Variants in INO80 observed in about 807,000 individuals in gnomAD.
The protein encoded by INO80 is chromatin-remodeling ATPase INO80.
A neutral mutation model predicts 203.4 loss-of-function variants in INO80; 20 were observed. The ratio of observed to expected loss-of-function variants is 0.10; its 90% confidence interval spans 0.07 to 0.14. The LOEUF is 0.14. Among genes scored for constraint, INO80 ranks in the 10% least tolerant of loss-of-function variants. INO80 has a pLI of 1.00. For synonymous variants in INO80, 726 were observed against 685.2 expected (o/e 1.06, Z -0.93); for missense variants, 1,419 against 1,914.4 (o/e 0.74, Z 4.83).
chr15:40,983,690 G>T, intron 34 of INO80, 72 bp downstream of exon 34: 1 of 1,353,452 alleles, frequency 7.4e-7, no homozygotes, highest in South Asian at 1.2e-5. Flanking sequence ...GAAGGAATCA[G>T]GACCTTACCC....
intron 5 of INO80, among the ~76,000 whole-genome samples, chr15:41,089,665 C>T (rs1262526295): frequency 6.6e-6 from 1 of 151,940 alleles, no homozygotes; most frequent in African/African-American, 2.4e-5. Flanking sequence ...ACTGCTTGAA[C>T]TCAGAAGGCG....
At position 41,092,435 on chromosome 15, in the gene INO80, C is replaced by T. The variant is rs560553988; in HGVS notation, c.382-253G>A. ...ACAAGGCTAAAAATTCCTCTGAATA[C>T]TTACAAAAGTATAAATAATACATAA... On this transcript the variant is annotated intron_variant, in intron 4 of 35. Coordinates refer to ENST00000648947, the MANE Select transcript of INO80 (RefSeq NM_017553.3). 4.6e-5 allele frequency among the ~76,000 whole-genome samples: 7 copies of T among 152,208 alleles called. No individual in the cohort carries two copies. In the South Asian group the frequency reaches 1.4e-3, roughly 32 times the overall value.
chr15:41,003,076 C>T lies in INO80; in HGVS notation c.3497+2517G>A, dbSNP rs565751334. Among the ~76,000 whole-genome samples, 8 of 151,892 alleles carry T rather than the reference C, an allele frequency of 5.3e-5. No individual in the cohort carries two copies. In the South Asian group the frequency reaches 1.0e-3, roughly 20 times the overall value. On this transcript the variant is annotated intron_variant, in intron 28 of 35. Transcript: ENST00000648947. ...TGGAGGTTGCAGTGAGCCAAGATCA[C>T]GCCACTGCACTCCAGCCTGGGTGAC...
chr15:41,007,202 T>C (rs1159951276), intron 27 of INO80, among the ~76,000 whole-genome samples: 4 of 122,326 alleles, frequency 3.3e-5, no homozygotes, highest in South Asian at 2.4e-4. Flanking sequence ...TTTTTTTTTT[T>C]AGACACTGTC....
intron 26 of INO80, 96 bp downstream of exon 26, chr15:41,020,804 A>G: frequency 1.4e-6 from 1 of 731,972 alleles, no homozygotes; most frequent in Non-Finnish European, 2.2e-6. Context: ...CCTCAAGAAC[A>G]GTAAATTCCA....
At position 41,096,298 on chromosome 15, in the gene INO80, A is replaced by C; in HGVS notation, c.13T>G (p.Leu5Val). 6.3e-7 allele frequency: 1 copy of C among 1,595,192 alleles called. No homozygotes were observed. The change falls in exon 2 of 36, where the codon TTG becomes GTG. Residue 5 changes from leucine (L) to valine (V), a missense_variant. Leu to Val is a conservative substitution (Grantham distance 32). Coordinates refer to ENST00000648947, the MANE Select transcript of INO80 (RefSeq NM_017553.3). MASELGARDDGGCTE... is the reference protein window; with the variant it reads MASEVGARDDGGCTE... ...CAGCCTCCATCATCCCTGGCACCCA[A>C]CTCCGAGGCCATAGAACAAATCTGT...
intron 28 of INO80, among the ~76,000 whole-genome samples, chr15:41,002,802 C>G (rs1271954389): frequency 6.6e-6 from 1 of 152,116 alleles, no homozygotes; most frequent in Non-Finnish European, 1.5e-5. Context: ...GAATAGTGAT[C>G]ATTAAAAATG....
intron 34 of INO80, among the ~76,000 whole-genome samples, chr15:40,983,455 C>T (rs1893911499): frequency 1.3e-5 from 2 of 152,098 alleles, no homozygotes; most frequent in African/African-American, 4.8e-5. Flanking sequence ...ACCCAGAGCT[C>T]CCCAAGAAAT....
At chr15:41,073,290 T>C in intron 11 of INO80, 138 bp downstream of exon 11, 1 of 706,342 alleles carries the variant, frequency 1.4e-6, no homozygotes, top group Non-Finnish European at 2.5e-6. Context: ...TACACACAGC[T>C]ACTCACACAC....
intron 4 of INO80, among the ~76,000 whole-genome samples, chr15:41,094,981 G>A (rs2045699877): frequency 2.0e-5 from 3 of 150,342 alleles, no homozygotes; most frequent in Admixed American, 6.7e-5. Flanking sequence ...TGAATTTGGT[G>A]TTTATTAACT....
At chr15:40,997,438 AAAAC>A (rs999324027) in intron 29 of INO80, 87 bp downstream of exon 29, 2 of 861,636 alleles carry the variant, frequency 2.3e-6, no homozygotes, top group Non-Finnish European at 2.0e-6. Context: ...AGCAAAGGGT[AAAAC>A]AAACAATGCC....
chr15:41,087,635 G>T lies in INO80; in HGVS notation c.585C>A (p.Asp195Glu). 6.2e-7 allele frequency: 1 copy of T among 1,613,836 alleles called. No homozygotes were observed. The highest frequency in any genetic ancestry group is 8.5e-7 in the Non-Finnish European group (1 of 1,179,936). ...YYSAGLLSTY[D>E]PFYEQQRHLL... ...GGTGCCGTTGTTGCTCATAGAAAGGGTCATATGTGGAGAGCAGGCCTGCAC... is the reference window on the plus strand; with the variant it reads ...GGTGCCGTTGTTGCTCATAGAAAGGTTCATATGTGGAGAGCAGGCCTGCAC... The change falls in exon 6 of 36, where the codon GAC (aspartate) becomes GAA (glutamate). Residue 195 changes from aspartate (D) to glutamate (E), a missense_variant. Coordinates refer to ENST00000648947, the MANE Select transcript of INO80 (RefSeq NM_017553.3).
intron 31 of INO80, 83 bp downstream of exon 31, chr15:40,987,008 T>G: frequency 2.7e-6 from 2 of 735,980 alleles, no homozygotes; most frequent in Non-Finnish European, 4.7e-6. Flanking sequence ...AGCCTCTGGC[T>G]TTGCCTACCC....
At position 41,003,140 on chromosome 15, in the gene INO80, C is replaced by G. The variant is rs1311487990; in HGVS notation, c.3497+2453G>C. On this transcript the variant is annotated intron_variant, in intron 28 of 35. Transcript: ENST00000648947. ...GTCTCAGAAAAAACAAAAACAAAAACAAAAGTTGTTGGCAAAGGCTTTTTA... is the reference window on the plus strand; with the variant it reads ...GTCTCAGAAAAAACAAAAACAAAAAGAAAAGTTGTTGGCAAAGGCTTTTTA... Among the ~76,000 whole-genome samples the G allele has an allele frequency of 2.0e-5, 3 of 151,422 alleles. No individual in the cohort carries two copies. In the East Asian group the frequency reaches 5.8e-4, roughly 30 times the overall value.
intron 35 of INO80, among the ~76,000 whole-genome samples, chr15:40,982,287 C>CT (rs1893859908): frequency 6.6e-6 from 1 of 152,198 alleles, no homozygotes; most frequent in African/African-American, 2.4e-5. Flanking sequence ...GCTGGGACTA[C>CT]AGGCGTGAGC....
chr15:41,085,167 CTAAT>C (rs1453720305), intron 7 of INO80, among the ~76,000 whole-genome samples, 198 bp downstream of exon 7: 1 of 152,198 alleles, frequency 6.6e-6, no homozygotes, highest in African/African-American at 2.4e-5. Context: ...CACACAATAA[CTAAT>C]TGTCTTGTGA....
intron 29 of INO80, among the ~76,000 whole-genome samples, chr15:40,993,561 C>A (rs1255751114): frequency 6.6e-6 from 1 of 152,046 alleles, no homozygotes; most frequent in Non-Finnish European, 1.5e-5. Context: ...AGTTTTGAGA[C>A]CAGCCTGGCC....
At chr15:41,016,983 C>G (rs951145272) in intron 26 of INO80, 25 of 152,170 alleles carry the variant, frequency 1.6e-4, no homozygotes, top group African/African-American at 5.8e-4. Flanking sequence ...ACCCAGCCCC[C>G]CTACCCTTTT....
At chr15:41,096,734 GA>G (rs1203479324) in intron 1 of INO80, among the ~76,000 whole-genome samples, 9 of 152,146 alleles carry the variant, frequency 5.9e-5, no homozygotes, top group African/African-American at 2.2e-4. Flanking sequence ...GTGCACCTCA[GA>G]AAGGAAAGTA....
Sources: allele counts gnomAD v4.1 joint callset (sites outside exome capture counted in the v4.1 genomes callset), GRCh38; gene constraint gnomAD v4.1.1; transcripts MANE v1.5; gene names NCBI Gene and HGNC (gene_info 2026-07-23, HGNC 2026-07-21).